The following KIZ variants were observed in gnomAD, a reference collection of about 807,000 sequenced individuals.
KIZ encodes the protein kizuna centrosomal protein.
Under a neutral mutation model 79.6 loss-of-function variants are expected in KIZ, and 68 were observed. The observed-to-expected ratio is 0.85, with a 90% confidence interval of 0.70 to 1.05. The LOEUF (loss-of-function observed/expected upper bound fraction) is 1.05, where lower values mean the gene tolerates loss of function less well. Among genes scored for constraint, KIZ ranks in the 50% least tolerant of loss-of-function variants. The probability of loss-of-function intolerance (pLI) is 0.00; values close to 1 mark genes in which losing one functional copy is unlikely to be tolerated. For missense variants in KIZ, 797 were observed against 800.4 expected (o/e 1.00, Z 0.05); for synonymous variants, 280 against 281.8 (o/e 0.99, Z 0.06).
intron 6 of KIZ, among the ~76,000 whole-genome samples, chr20:21,201,235 A>G (rs1238366750): frequency 6.6e-6 from 1 of 152,204 alleles, no homozygotes; most frequent in South Asian, 2.1e-4. Context: ...TGGAAGACCA[A>G]GCTATTGTTT....
In KIZ at chr20:21,205,487, A is replaced by C; in HGVS notation, c.1353-4A>C. The C allele has an allele frequency of 7.2e-7, 1 of 1,389,360 alleles. No homozygotes were observed. The highest frequency in any genetic ancestry group is 1.4e-5 in the African/African-American group (1 of 69,550). 86.1% of individuals were successfully genotyped at this position (1,389,360 alleles called of 1,614,324 possible). A position where few individuals can be genotyped will look rare whatever the true frequency, so the allele number is the denominator to read the frequency against. Reference sequence around the variant, plus strand: ...ATAGTGAGTGTCCTGTTTCTGTTTTATAGACCTGGACAAACACCAGACTCA... The same window carrying C: ...ATAGTGAGTGTCCTGTTTCTGTTTTCTAGACCTGGACAAACACCAGACTCA... On this transcript the variant is annotated splice_polypyrimidine_tract_variant and splice_region_variant and intron_variant, in intron 6 of 12. Transcript: ENST00000619189.
intron 6 of KIZ, among the ~76,000 whole-genome samples, chr20:21,172,264 G>T (rs1485887082): frequency 1.3e-5 from 2 of 152,184 alleles, no homozygotes; most frequent in Admixed American, 1.3e-4. Flanking sequence ...CATGCATGTG[G>T]AGAAGAGGAA....
At chr20:21,212,138 C>G (rs1171463367) in intron 7 of KIZ, among the ~76,000 whole-genome samples, 2 of 152,178 alleles carry the variant, frequency 1.3e-5, no homozygotes, top group Non-Finnish European at 2.9e-5. Flanking sequence ...CTTGTCTATC[C>G]TTGTCTGAGA....
intron 4 of KIZ, among the ~76,000 whole-genome samples, chr20:21,147,961 T>TTGTGTGTGTGTGTGTG (rs61333547): frequency 0.021 from 3,010 of 141,060 alleles, 47 homozygotes; most frequent in Middle Eastern, 0.043. Context: ...CTCCTGGAAT[T>TTGTGTGTGTGTGTGTG]TGTGTGTGTG....
chr20:21,222,779 A>G (rs925231262), intron 9 of KIZ, among the ~76,000 whole-genome samples: 7 of 152,198 alleles, frequency 4.6e-5, no homozygotes, highest in Non-Finnish European at 1.0e-4. Flanking sequence ...TCTTCTTAGA[A>G]GAACATCAGA....
chr20:21,221,547 T>C (rs2036501842), intron 9 of KIZ, among the ~76,000 whole-genome samples: 1 of 152,236 alleles, frequency 6.6e-6, no homozygotes, highest in Non-Finnish European at 1.5e-5. Flanking sequence ...CAGACTCTCA[T>C]TCTTTTGACA....
chr20:21,225,711 A>G (rs185970486), intron 9 of KIZ, among the ~76,000 whole-genome samples: 24 of 152,288 alleles, frequency 1.6e-4, no homozygotes, highest in Admixed American at 1.4e-3. Flanking sequence ...TCTTCCTTCT[A>G]AAAAAATCCT....
chr20:21,162,593 T>G, intron 5 of KIZ, 86 bp downstream of exon 5: 1 of 1,039,662 alleles, frequency 9.6e-7, no homozygotes, highest in South Asian at 1.7e-5. Context: ...TTATCTCTCT[T>G]TCATAAAATA....
chr20:21,151,701 A>G (rs2033126376), intron 4 of KIZ: 1 of 152,160 alleles, frequency 6.6e-6, no homozygotes, highest in Admixed American at 6.5e-5. Context: ...AAAAAGATAT[A>G]CTTCATGCAG....
intron 4 of KIZ, among the ~76,000 whole-genome samples, chr20:21,147,997 C>T (rs1230896940): frequency 2.0e-5 from 1 of 49,580 alleles, no homozygotes; most frequent in Admixed American, 1.8e-4. Flanking sequence ...GTGTGTGTGG[C>T]AGCAGATGAA....
At chr20:21,182,241 G>A (rs1034693115) in intron 6 of KIZ, among the ~76,000 whole-genome samples, 5 of 152,028 alleles carry the variant, frequency 3.3e-5, no homozygotes, top group African/African-American at 7.2e-5. Context: ...GCTCTGTCTC[G>A]CCCCCACCGT....
chr20:21,225,195 A>G (rs2036620429), intron 9 of KIZ, among the ~76,000 whole-genome samples: 1 of 152,194 alleles, frequency 6.6e-6, no homozygotes, highest in African/African-American at 2.4e-5. Flanking sequence ...TTTAAACTAC[A>G]ATATTTTCTA....
intron 4 of KIZ, chr20:21,158,578 T>A (rs1041218501): frequency 6.6e-6 from 1 of 152,218 alleles, no homozygotes; most frequent in Non-Finnish European, 1.5e-5. Context: ...ATAAAAACTA[T>A]AATTATATAA....
chr20:21,207,568 C>T (rs1270900418), intron 7 of KIZ, among the ~76,000 whole-genome samples: 1 of 150,270 alleles, frequency 6.7e-6, no homozygotes, highest in African/African-American at 2.5e-5. Context: ...ACTTCCTTCC[C>T]TCCCCCCTTT....
At chr20:21,225,861 C>T (rs937843439) in intron 9 of KIZ, among the ~76,000 whole-genome samples, 3 of 152,204 alleles carry the variant, frequency 2.0e-5, no homozygotes, top group African/African-American at 7.2e-5. Flanking sequence ...ACACTCTTGC[C>T]TCCAGTCTGA....
At chr20:21,205,194 C>T (rs1205140945) in intron 6 of KIZ, among the ~76,000 whole-genome samples, 1 of 152,166 alleles carries the variant, frequency 6.6e-6, no homozygotes, top group Non-Finnish European at 1.5e-5. Flanking sequence ...AGCCATACCC[C>T]AGACCATTTT....
intron 4 of KIZ, among the ~76,000 whole-genome samples, chr20:21,156,057 C>T (rs147757212): frequency 2.0e-3 from 301 of 152,296 alleles, no homozygotes; most frequent in Admixed American, 3.4e-3. Flanking sequence ...TTCCTCAGTA[C>T]TGGGGGGTTA....
intron 6 of KIZ, among the ~76,000 whole-genome samples, chr20:21,164,192 C>G (rs1332652716): frequency 6.6e-6 from 1 of 152,180 alleles, no homozygotes; most frequent in Non-Finnish European, 1.5e-5. Flanking sequence ...CATATGTTCT[C>G]TTTAGAACAC....
At chr20:21,205,634 A>G (rs1379519946) in intron 7 of KIZ, 50 bp downstream of exon 7, 2 of 760,766 alleles carry the variant, frequency 2.6e-6, no homozygotes, top group South Asian at 3.4e-5. Context: ...TGTGGACCAC[A>G]GGGTAAGGTT....
Sources: allele counts gnomAD v4.1 joint callset (sites outside exome capture counted in the v4.1 genomes callset), GRCh38; gene constraint gnomAD v4.1.1; transcripts MANE v1.5; gene names NCBI Gene and HGNC (gene_info 2026-07-23, HGNC 2026-07-21).